LAMA2: variants seen among roughly 807,000 people sequenced by gnomAD.
LAMA2 encodes laminin subunit alpha-2.
In LAMA2, 269 loss-of-function variants were observed where a neutral mutation model predicts 364.8. The observed-to-expected ratio is 0.74, with a 90% CI of 0.67 to 0.82. The LOEUF (loss-of-function observed/expected upper bound fraction) is 0.82. LAMA2 is among the 40% of genes least tolerant of loss of function. The probability of loss-of-function intolerance (pLI) is 0.00; values close to 1 mark genes in which losing one functional copy is unlikely to be tolerated. For synonymous variants in LAMA2, 1,379 were observed against 1,370.6 expected (o/e 1.01, Z -0.14); for missense variants, 3,807 against 3,873.2 (o/e 0.98, Z 0.45).
chr6:129,260,113 T>A (rs890380046), intron 14 of LAMA2, among the ~76,000 whole-genome samples: 1 of 152,002 alleles, frequency 6.6e-6, no homozygotes, highest in African/African-American at 2.4e-5. Flanking sequence ...ACCAATAAAA[T>A]GAAGGCCATA....
At chr6:129,022,833 C>T (rs915333743) in intron 1 of LAMA2, among the ~76,000 whole-genome samples, 1 of 152,110 alleles carries the variant, frequency 6.6e-6, no homozygotes, top group African/African-American at 2.4e-5. Context: ...TTTCAAAATA[C>T]TATTATCCCC....
At chr6:129,048,424 G>A (rs1321462942) in intron 1 of LAMA2, among the ~76,000 whole-genome samples, 4 of 150,522 alleles carry the variant, frequency 2.7e-5, no homozygotes, top group African/African-American at 9.8e-5. Flanking sequence ...ATTTAGTCAG[G>A]AAGGTTTCTT....
intron 14 of LAMA2, among the ~76,000 whole-genome samples, chr6:129,256,834 G>A (rs539470409): frequency 7.2e-6 from 1 of 138,912 alleles, no homozygotes; most frequent in South Asian, 2.3e-4. Context: ...AACATCAAGG[G>A]TATTTTTGTT....
At chr6:129,430,616 T>C (rs143360700) in intron 41 of LAMA2, among the ~76,000 whole-genome samples, 1 of 152,164 alleles carries the variant, frequency 6.6e-6, no homozygotes, top group African/African-American at 2.4e-5. Context: ...ACTGAAAGAG[T>C]GAAAAGATGA....
At chr6:129,105,588 A>G (rs1341190532) in intron 4 of LAMA2, among the ~76,000 whole-genome samples, 1 of 152,210 alleles carries the variant, frequency 6.6e-6, no homozygotes. Flanking sequence ...GTAGGAGAAC[A>G]GGGCACCAGT....
intron 1 of LAMA2, chr6:128,929,486 CTT>C (rs1308008886): frequency 1.2e-6 from 1 of 843,188 alleles, no homozygotes; most frequent in Non-Finnish European, 2.1e-6. Flanking sequence ...CAGACAGACT[CTT>C]TATGGTATGC....
At chr6:129,069,046 A>G (rs1318781368) in intron 3 of LAMA2, among the ~76,000 whole-genome samples, 1 of 152,196 alleles carries the variant, frequency 6.6e-6, no homozygotes, top group Non-Finnish European at 1.5e-5. Context: ...TTTCAAATAG[A>G]GTCAAGATGA....
intron 30 of LAMA2, among the ~76,000 whole-genome samples, chr6:129,345,276 G>A (rs780515351): frequency 6.6e-6 from 1 of 152,090 alleles, no homozygotes; most frequent in Non-Finnish European, 1.5e-5. Context: ...TACATGACTT[G>A]CAGCTTTTGG....
chr6:129,298,940 G>T (rs780717027), intron 21 of LAMA2, among the ~76,000 whole-genome samples: 1 of 151,992 alleles, frequency 6.6e-6, no homozygotes, highest in East Asian at 1.9e-4. Context: ...TTATAAAGCT[G>T]TATTTTAAAA....
intron 4 of LAMA2, among the ~76,000 whole-genome samples, chr6:129,129,007 G>A (rs1777291806): frequency 6.6e-6 from 1 of 152,162 alleles, no homozygotes; most frequent in Non-Finnish European, 1.5e-5. Flanking sequence ...TGACTCTTAA[G>A]GATACTGAAG....
chr6:128,890,917 T>C (rs577675347), intron 1 of LAMA2, among the ~76,000 whole-genome samples: 150 of 152,200 alleles, frequency 9.9e-4, no homozygotes, highest in African/African-American at 3.5e-3. Context: ...TGAAAAACCT[T>C]GACATCTTCA....
At chr6:128,928,980 A>T in intron 1 of LAMA2, 1 of 1,150,750 alleles carries the variant, frequency 8.7e-7, no homozygotes, top group Non-Finnish European at 1.3e-6. Context: ...TACTCATTCC[A>T]GCTCAGAAGG....
chr6:129,387,237 T>C (rs545759743), intron 35 of LAMA2, among the ~76,000 whole-genome samples: 1 of 152,300 alleles, frequency 6.6e-6, no homozygotes, highest in East Asian at 1.9e-4. Context: ...ACCTGTGCCA[T>C]GGTGGTTTGC....
At position 129,247,656 on chromosome 6, in the gene LAMA2, T is replaced by C. The variant is rs184435768; in HGVS notation, c.1783-2456T>C. On this transcript the variant is annotated intron_variant, in intron 12 of 64. Coordinates refer to ENST00000421865, the MANE Select transcript of LAMA2 (RefSeq NM_000426.4). ...TGGTCCGTGTTTCACACAACTTAAA[T>C]GGAAGTAAAACAGCTTCGCTCATGA... is the stretch of plus-strand genomic sequence containing the variant. Among the ~76,000 whole-genome samples, 82 of 152,306 alleles carry C rather than the reference T, an allele frequency of 5.4e-4. 1 individual carries two copies. The highest frequency in any genetic ancestry group is 1.4e-3 in the Admixed American group (21 of 15,294).
chr6:129,337,794 A>G (rs1437218773), intron 29 of LAMA2, among the ~76,000 whole-genome samples: 1 of 152,176 alleles, frequency 6.6e-6, no homozygotes, highest in African/African-American at 2.4e-5. Context: ...ACTAGCACAT[A>G]CCACTCTTGA....
intron 15 of LAMA2, among the ~76,000 whole-genome samples, chr6:129,261,574 G>C (rs1787138612): frequency 6.6e-6 from 1 of 152,128 alleles, no homozygotes; most frequent in Non-Finnish European, 1.5e-5. Context: ...CGCATGGCTA[G>C]CAGATAAATA....
chr6:129,216,757 A>T (rs1328622705), intron 12 of LAMA2, among the ~76,000 whole-genome samples: 2 of 152,220 alleles, frequency 1.3e-5, no homozygotes, highest in East Asian at 3.8e-4. Context: ...TTTGTTGCAC[A>T]ATTAGAAAAT....
intron 8 of LAMA2, chr6:129,158,625 G>T: frequency 6.2e-7 from 1 of 1,614,160 alleles, no homozygotes; most frequent in East Asian, 2.2e-5. Flanking sequence ...GATGATCATA[G>T]CAATTATGCA....
chr6:129,224,391 G>T (rs544621270), intron 12 of LAMA2, among the ~76,000 whole-genome samples: 14 of 152,308 alleles, frequency 9.2e-5, no homozygotes, highest in Admixed American at 5.9e-4. Context: ...TGTTGAATAG[G>T]AGTGGTGAGA....
Sources: allele counts gnomAD v4.1 joint callset (sites outside exome capture counted in the v4.1 genomes callset), GRCh38; gene constraint gnomAD v4.1.1; transcripts MANE v1.5; gene names NCBI Gene and HGNC (gene_info 2026-07-23, HGNC 2026-07-21).